The following MCUB variants were observed in gnomAD, a reference collection of about 807,000 sequenced individuals.
The protein encoded by MCUB is mitochondrial calcium uniporter dominant negative subunit beta, also known as calcium uniporter regulatory subunit MCUb, mitochondrial.
MCUB carries 46 observed loss-of-function variants against 41.4 expected under a neutral mutation model. That is an observed-to-expected ratio of 1.11 (90% CI 0.88 to 1.42). The LOEUF (loss-of-function observed/expected upper bound fraction) is 1.42, where lower values mean the gene tolerates loss of function less well. Ranked by LOEUF, MCUB falls within the 40% of genes most tolerant of loss-of-function variation. The pLI is 0.00. For synonymous variants in MCUB, 148 were observed against 148.2 expected (o/e 1.00, Z 0.01); for missense variants, 403 against 404.9 (o/e 1.00, Z 0.04).
rs150057862 is a variant in MCUB at position 109,662,035 on chromosome 4, T to G, written c.346+1670T>G. ...GTGATAGAGTGAGACTGCATTGAGG[T>G]GGGAGCCTACTACACAGTGACCGCA... On this transcript the variant is annotated intron_variant, in intron 3 of 7. Transcript: ENST00000394650. Among the ~76,000 whole-genome samples the G allele has an allele frequency of 2.4e-3, 368 of 151,992 alleles. 3 individuals carry two copies. The highest frequency in any genetic ancestry group is 8.6e-3 in the African/African-American group (356 of 41,452).
At chr4:109,575,428 A>G (rs1012712196) in intron 1 of MCUB, among the ~76,000 whole-genome samples, 2 of 152,262 alleles carry the variant, frequency 1.3e-5, no homozygotes, top group Non-Finnish European at 2.9e-5. Context: ...TGTACTACTC[A>G]TAACTGTTGT....
chr4:109,591,765 T>C (rs197233), intron 1 of MCUB, among the ~76,000 whole-genome samples: 86,457 of 151,644 alleles, frequency 0.57, 24,970 homozygotes, highest in South Asian at 0.67. Flanking sequence ...GTGGCCTGAT[T>C]TCAGCTCACT....
At chr4:109,627,118 GTCT>G (rs1406613233) in intron 1 of MCUB, among the ~76,000 whole-genome samples, 1 of 152,064 alleles carries the variant, frequency 6.6e-6, no homozygotes, top group Non-Finnish European at 1.5e-5. Context: ...TTCAGTTCTA[GTCT>G]TCTATTATTT....
chr4:109,603,219 C>T (rs146478353), intron 1 of MCUB, among the ~76,000 whole-genome samples: 1,852 of 152,252 alleles, frequency 0.012, 37 homozygotes, highest in African/African-American at 0.042. Flanking sequence ...CCTCAGCCTG[C>T]CGAGTGCCTG....
intron 1 of MCUB, among the ~76,000 whole-genome samples, chr4:109,617,896 C>G (rs2126134907): frequency 1.3e-5 from 2 of 152,280 alleles, no homozygotes; most frequent in Middle Eastern, 3.4e-3. Flanking sequence ...TAGGGAAGAT[C>G]AGAATAAGAG....
chr4:109,569,497 CTTTTTTTTTTTTT>C (rs35808519), intron 1 of MCUB, among the ~76,000 whole-genome samples: 1 of 87,198 alleles, frequency 1.1e-5, no homozygotes, highest in South Asian at 3.9e-4. Flanking sequence ...TTGGCTATCC[CTTTTTTTTTTTTT>C]TTTTTTTTTT....
chr4:109,603,324 T>C (rs1053222681), intron 1 of MCUB, among the ~76,000 whole-genome samples: 5 of 152,244 alleles, frequency 3.3e-5, no homozygotes, highest in Admixed American at 2.0e-4. Flanking sequence ...CTCCGGCTCC[T>C]GACCTTGAGT....
intron 1 of MCUB, among the ~76,000 whole-genome samples, chr4:109,580,832 T>G (rs1316522328): frequency 1.3e-5 from 2 of 152,226 alleles, no homozygotes; most frequent in Non-Finnish European, 1.5e-5. Context: ...AGGTTGTCTG[T>G]TCACTCTGAT....
intron 4 of MCUB, among the ~76,000 whole-genome samples, chr4:109,667,452 T>G (rs536666679): frequency 1.4e-4 from 21 of 151,934 alleles, no homozygotes; most frequent in Admixed American, 9.8e-4. Flanking sequence ...ATTTCTACCA[T>G]GAGTAACTTG....
intron 1 of MCUB, among the ~76,000 whole-genome samples, chr4:109,639,466 G>A (rs1268850525): frequency 6.6e-6 from 1 of 151,994 alleles, no homozygotes; most frequent in Admixed American, 6.6e-5. Context: ...GAGACGGGTG[G>A]ATCACCAGGT....
At chr4:109,681,556 G>A (rs973651556) in intron 4 of MCUB, 5 of 413,300 alleles carry the variant, frequency 1.2e-5, no homozygotes, top group East Asian at 7.5e-5. Flanking sequence ...TCTAAGGAAC[G>A]GAATCTTGGG....
chr4:109,569,612 TC>T (rs1488239204), intron 1 of MCUB, among the ~76,000 whole-genome samples: 1 of 148,226 alleles, frequency 6.7e-6, no homozygotes, highest in South Asian at 2.2e-4. Flanking sequence ...CAAACGATTC[TC>T]CTGCCTCAGC....
intron 4 of MCUB, chr4:109,673,803 G>A (rs1270153743): frequency 3.0e-6 from 2 of 658,348 alleles, no homozygotes; most frequent in African/African-American, 3.6e-5. Context: ...TGGCGGGTGA[G>A]AGGTTTTTTC....
chr4:109,645,237 C>G lies in MCUB; in HGVS notation c.100-13774C>G, dbSNP rs570399732. Among the ~76,000 whole-genome samples, 103 of 152,224 alleles carry G rather than the reference C, an allele frequency of 6.8e-4. 1 individual carries two copies. Among genetic ancestry groups the G allele is most frequent in the Non-Finnish European group, 1.1e-3 (76 of 68,002 alleles). On this transcript the variant is annotated intron_variant, in intron 1 of 7. Coordinates refer to ENST00000394650, the MANE Select transcript of MCUB (RefSeq NM_017918.5). The stretch of plus-strand genomic sequence containing the variant: ...TTAAATTAGTGTTCCTTAAAATCAA[C>G]TGGTAGAGGTTGTACGAGTAGTTAC...
chr4:109,647,763 ATAGT>A (rs1343105594), intron 1 of MCUB, among the ~76,000 whole-genome samples: 2 of 152,184 alleles, frequency 1.3e-5, no homozygotes, highest in African/African-American at 4.8e-5. Context: ...TCTAGTATTA[ATAGT>A]TAGGAGCCCC....
chr4:109,570,028 C>T (rs1726877197), intron 1 of MCUB, among the ~76,000 whole-genome samples: 1 of 152,142 alleles, frequency 6.6e-6, no homozygotes, highest in Non-Finnish European at 1.5e-5. Context: ...CTCATGCTCT[C>T]TTGGCCTGCC....
At chr4:109,612,874 A>AG (rs1467376312) in intron 1 of MCUB, among the ~76,000 whole-genome samples, 2 of 152,170 alleles carry the variant, frequency 1.3e-5, no homozygotes, top group East Asian at 3.9e-4. Flanking sequence ...TGGGAGGCCA[A>AG]GGCGGGCGGA....
At chr4:109,581,551 G>A (rs1727174974) in intron 1 of MCUB, among the ~76,000 whole-genome samples, 1 of 152,070 alleles carries the variant, frequency 6.6e-6, no homozygotes, top group Non-Finnish European at 1.5e-5. Context: ...TTAAACTAAA[G>A]AGCTTCTGCA....
At chr4:109,603,773 G>A (rs896908460) in intron 1 of MCUB, among the ~76,000 whole-genome samples, 1 of 151,230 alleles carries the variant, frequency 6.6e-6, no homozygotes. Context: ...GAGGTGGGGG[G>A]CGCCCCCGCC....
Sources: allele counts gnomAD v4.1 joint callset (sites outside exome capture counted in the v4.1 genomes callset), GRCh38; gene constraint gnomAD v4.1.1; transcripts MANE v1.5; gene names NCBI Gene and HGNC (gene_info 2026-07-23, HGNC 2026-07-21).